Variants in RORA observed in about 807,000 individuals in gnomAD.
RORA encodes the protein RAR related orphan receptor A, also known as nuclear receptor ROR-alpha.
A neutral mutation model predicts 69.5 loss-of-function variants in RORA; 7 were observed. The ratio of observed to expected loss-of-function variants is 0.10; its 90% CI spans 0.06 to 0.19. The LOEUF (loss-of-function observed/expected upper bound fraction) is 0.19. Ranked by LOEUF, RORA falls within the 10% of genes least tolerant of loss-of-function variation. RORA has a pLI of 1.00. For missense variants in RORA, 457 were observed against 663.0 expected, an observed-to-expected ratio of 0.69 and a Z score of 3.41; for synonymous variants, 261 against 240.8, an observed-to-expected ratio of 1.08 and a Z score of -0.78.
chr15:60,797,300 AAGAT>A (rs2072512530), intron 1 of RORA, among the ~76,000 whole-genome samples: 1 of 152,290 alleles, frequency 6.6e-6, no homozygotes, highest in East Asian at 1.9e-4. Context: ...CATTAAAAAA[AAGAT>A]AGCCATACAT....
At chr15:60,856,664 G>C (rs574656422) in intron 1 of RORA, among the ~76,000 whole-genome samples, 1 of 152,300 alleles carries the variant, frequency 6.6e-6, no homozygotes, top group South Asian at 2.1e-4. Context: ...TGTAGAGTGT[G>C]AATTCAGGTG....
intron 1 of RORA, among the ~76,000 whole-genome samples, chr15:60,919,245 C>G (rs1037066717): frequency 1.3e-5 from 2 of 152,146 alleles, no homozygotes; most frequent in African/African-American, 4.8e-5. Context: ...GAAACCCACA[C>G]AACGGGGTGC....
intron 2 of RORA, among the ~76,000 whole-genome samples, chr15:60,617,466 A>C (rs1225233820): frequency 6.6e-6 from 1 of 152,198 alleles, no homozygotes; most frequent in African/African-American, 2.4e-5. Context: ...AGAACGTGAC[A>C]GTGAGAATTC....
chr15:60,979,585 A>G (rs1280570573), intron 1 of RORA, among the ~76,000 whole-genome samples: 2 of 152,058 alleles, frequency 1.3e-5, no homozygotes, highest in African/African-American at 4.8e-5. Context: ...ATAATTTTTG[A>G]TGCCATTTCA....
intron 1 of RORA, among the ~76,000 whole-genome samples, chr15:60,840,416 A>G (rs895214906): frequency 6.6e-6 from 1 of 152,246 alleles, no homozygotes; most frequent in Non-Finnish European, 1.5e-5. Flanking sequence ...TTTGATTCAG[A>G]TCTGTGGCTG....
chr15:60,569,456 C>A (rs1050548930), intron 2 of RORA, among the ~76,000 whole-genome samples: 1 of 151,992 alleles, frequency 6.6e-6, no homozygotes, highest in African/African-American at 2.4e-5. Context: ...CCAAAGGATT[C>A]ATTTTTACAA....
chr15:60,806,484 C>T (rs1163279754), intron 1 of RORA, among the ~76,000 whole-genome samples: 1 of 152,210 alleles, frequency 6.6e-6, no homozygotes, highest in Non-Finnish European at 1.5e-5. Flanking sequence ...ATCAGTATTA[C>T]TAACGGAAAC....
intron 1 of RORA, among the ~76,000 whole-genome samples, chr15:60,719,166 G>T (rs762734563): frequency 6.6e-6 from 1 of 152,058 alleles, no homozygotes; most frequent in Middle Eastern, 3.2e-3. Flanking sequence ...TAACATTAAA[G>T]AATTATTAAT....
intron 1 of RORA, among the ~76,000 whole-genome samples, chr15:61,038,164 T>C (rs1228054745): frequency 6.6e-6 from 1 of 152,184 alleles, no homozygotes; most frequent in Non-Finnish European, 1.5e-5. Flanking sequence ...CCCTCTGCAT[T>C]AATAGCAAAA....
intron 2 of RORA, among the ~76,000 whole-genome samples, chr15:60,624,322 G>A (rs762085210): frequency 3.3e-4 from 50 of 150,698 alleles, no homozygotes; most frequent in Non-Finnish European, 5.6e-4. Context: ...TATTTTATCT[G>A]ATAGAAGAGA....
chr15:61,221,919 G>A (rs139920272), intron 1 of RORA, among the ~76,000 whole-genome samples: 24 of 150,040 alleles, frequency 1.6e-4, no homozygotes, highest in Middle Eastern at 3.5e-3. Flanking sequence ...TTACTAAGAA[G>A]CCTGAGGCGG....
chr15:60,949,311 T>G (rs1893006459), intron 1 of RORA, among the ~76,000 whole-genome samples: 1 of 152,208 alleles, frequency 6.6e-6, no homozygotes, highest in African/African-American at 2.4e-5. Context: ...CAAATCTTGC[T>G]TGGCTTCTCA....
chr15:61,100,974 G>C lies in RORA; in HGVS notation c.166+128079C>G, dbSNP rs573675513. ...ACTTATTCTACTGTGTGGATTGATA[G>C]TTTATGACTGTCTCTTTCACCAGAA... On this transcript the variant is annotated intron_variant, in intron 1 of 10. Transcript: ENST00000335670. 3.3e-5 allele frequency among the ~76,000 whole-genome samples: 5 copies of C among 152,312 alleles called. No homozygotes were observed. The East Asian group carries it at 9.7e-4, about 29-fold the overall frequency.
At chr15:60,581,704 ATAAACT>A (rs757779926) in intron 2 of RORA, among the ~76,000 whole-genome samples, 9 of 152,242 alleles carry the variant, frequency 5.9e-5, no homozygotes, top group Non-Finnish European at 1.0e-4. Flanking sequence ...ACACAAGGAA[ATAAACT>A]TAAGGTGCTT....
intron 1 of RORA, among the ~76,000 whole-genome samples, chr15:61,118,927 C>A (rs945739897): frequency 2.6e-5 from 4 of 152,058 alleles, no homozygotes; most frequent in African/African-American, 9.7e-5. Context: ...CCCTGACTAC[C>A]ATGTACTGGG....
chr15:61,143,721 G>C lies in RORA; in HGVS notation c.166+85332C>G, dbSNP rs76542992. On this transcript the variant is annotated intron_variant, in intron 1 of 10. Coordinates refer to ENST00000335670, the MANE Select transcript of RORA (RefSeq NM_134261.3). ...TTGGTACAACTGGCCAGTTAGTAGG[G>C]AGAAAATAATGCTGGTTCCACTCTC... 3.2e-3 allele frequency among the ~76,000 whole-genome samples: 489 copies of C among 152,282 alleles called. 3 individuals carry two copies. Among genetic ancestry groups the C allele is most frequent in the African/African-American group, 0.011 (459 of 41,556 alleles).
chr15:60,775,784 T>C (rs1039621660), intron 1 of RORA, among the ~76,000 whole-genome samples: 1 of 152,208 alleles, frequency 6.6e-6, no homozygotes, highest in Admixed American at 6.5e-5. Flanking sequence ...GAAAGATGAA[T>C]ATGCTTATGG....
intron 1 of RORA, among the ~76,000 whole-genome samples, chr15:60,986,850 C>T (rs1010938543): frequency 2.0e-5 from 3 of 152,204 alleles, no homozygotes; most frequent in South Asian, 2.1e-4. Flanking sequence ...AGTATCTGCT[C>T]TGTCTCAGTT....
chr15:60,831,410 C>T (rs544654357), intron 1 of RORA, among the ~76,000 whole-genome samples: 2 of 152,060 alleles, frequency 1.3e-5, no homozygotes, highest in African/African-American at 2.4e-5. Flanking sequence ...GTGGATACTA[C>T]CTCCTAATAG....
Sources: allele counts gnomAD v4.1 joint callset (sites outside exome capture counted in the v4.1 genomes callset), GRCh38; gene constraint gnomAD v4.1.1; transcripts MANE v1.5; gene names NCBI Gene and HGNC (gene_info 2026-07-23, HGNC 2026-07-21).